SMARCA4: variants seen among roughly 807,000 people sequenced by gnomAD.
SMARCA4 encodes SWI/SNF related BAF chromatin remodeling complex subunit ATPase 4, also known as SWI/SNF-related matrix-associated actin-dependent regulator of chromatin subfamily A member 4.
SMARCA4 carries 31 observed loss-of-function variants against 193.9 expected under a neutral mutation model. The observed-to-expected ratio is 0.16, with a 90% CI of 0.12 to 0.22. SMARCA4 has a LOEUF of 0.22. Among genes scored for constraint, SMARCA4 ranks in the 10% least tolerant of loss-of-function variants. The probability of loss-of-function intolerance (pLI) is 1.00; values close to 1 mark genes in which losing one functional copy is unlikely to be tolerated. For synonymous variants in SMARCA4, 942 were observed against 933.1 expected (o/e 1.01, Z -0.17); for missense variants, 1,148 against 2,296.0 (o/e 0.50, Z 10.22).
At chr19:11,017,748 G>C (rs945839834) in intron 16 of SMARCA4, among the ~76,000 whole-genome samples, 1 of 152,266 alleles carries the variant, frequency 6.6e-6, no homozygotes, top group African/African-American at 2.4e-5. Context: ...CGGAAGCACA[G>C]GGTCAGGCCC....
intron 30 of SMARCA4, among the ~76,000 whole-genome samples, chr19:11,051,885 C>T (rs2076283857): frequency 6.6e-6 from 1 of 152,056 alleles, no homozygotes; most frequent in Non-Finnish European, 1.5e-5. Flanking sequence ...ATCACGAGGT[C>T]AGGAGTTCAA....
chr19:10,992,304 A>T (rs1031820229), intron 8 of SMARCA4, among the ~76,000 whole-genome samples: 28 of 149,300 alleles, frequency 1.9e-4, no homozygotes, highest in African/African-American at 6.9e-4. Context: ...TTTAGTAGAG[A>T]TGGGGTTTCA....
At chr19:10,996,108 G>A (rs2087015573) in intron 9 of SMARCA4, 105 bp from the exon 10 acceptor site, 1 of 1,131,602 alleles carries the variant, frequency 8.8e-7, no homozygotes, top group Middle Eastern at 2.0e-4. Context: ...CGGCACCCGC[G>A]TGAGCTACGC....
At chr19:11,052,909 G>A (rs560757108) in intron 30 of SMARCA4, among the ~76,000 whole-genome samples, 4 of 152,144 alleles carry the variant, frequency 2.6e-5, no homozygotes, top group South Asian at 4.1e-4. Flanking sequence ...CTCTCATTTC[G>A]TCGTGTAAAA....
At chr19:11,012,729 C>G in intron 15 of SMARCA4, 1 of 605,790 alleles carries the variant, frequency 1.7e-6, no homozygotes, top group Non-Finnish European at 3.0e-6. Flanking sequence ...ATCGTTCGCA[C>G]AGTCATCCTG....
intron 23 of SMARCA4, 154 bp from the exon 24 acceptor site, chr19:11,027,630 G>A: frequency 1.2e-6 from 1 of 804,330 alleles, no homozygotes; most frequent in Non-Finnish European, 2.1e-6. Context: ...CTTTGCTGAA[G>A]CTTTGGGTGG....
chr19:10,992,458 C>T (rs913385169), intron 8 of SMARCA4, among the ~76,000 whole-genome samples: 2 of 138,398 alleles, frequency 1.4e-5, no homozygotes, highest in Non-Finnish European at 3.1e-5. Context: ...GAGTTTCACT[C>T]TTGTCACCCG....
intron 19 of SMARCA4, among the ~76,000 whole-genome samples, chr19:11,023,099 TC>T (rs1429271114): frequency 6.6e-6 from 1 of 152,210 alleles, no homozygotes; most frequent in African/African-American, 2.4e-5. Flanking sequence ...GGCAGAGCCC[TC>T]CCTGAGAATC....
chr19:11,060,436 C>T (rs951473017), intron 34 of SMARCA4: 2 of 589,896 alleles, frequency 3.4e-6, no homozygotes, highest in South Asian at 1.9e-5. Flanking sequence ...CTGGGGGACA[C>T]GTGAGTCCTC....
chr19:10,966,189 G>A (rs1229255086), intron 1 of SMARCA4, among the ~76,000 whole-genome samples: 1 of 151,846 alleles, frequency 6.6e-6, no homozygotes, highest in Non-Finnish European at 1.5e-5. Flanking sequence ...TCACCATGTT[G>A]ACCAGGCTGG....
At chr19:10,974,439 G>T (rs1599852527) in intron 1 of SMARCA4, among the ~76,000 whole-genome samples, 1 of 146,512 alleles carries the variant, frequency 6.8e-6, no homozygotes, top group African/African-American at 2.5e-5. Flanking sequence ...TATTTCATGG[G>T]TATTCTGATT....
At chr19:11,051,538 T>C (rs1449944320) in intron 30 of SMARCA4, among the ~76,000 whole-genome samples, 3 of 149,878 alleles carry the variant, frequency 2.0e-5, no homozygotes, top group African/African-American at 7.4e-5. Context: ...GTCGCCAGGC[T>C]GGAGTGCAGT....
At position 11,019,672 on chromosome 19, in the gene SMARCA4, A is replaced by G. The variant is rs1364084948; in HGVS notation, c.2587A>G (p.Ile863Val). The change falls in exon 18 of 35, where the codon ATC (isoleucine) becomes GTC (valine). Residue 863 changes from isoleucine (I) to valine (V), a missense_variant. Coordinates refer to ENST00000344626, the MANE Select transcript of SMARCA4 (RefSeq NM_003072.5). This position sits in a 1 kb window ranked among gnomAD's most constrained non-coding sequence, Gnocchi z 6.1. ...CGTCTTGCTGACGACGTACGAGTAC[A>G]TCATCAAAGACAAGCACATCCTCGC... Reference protein sequence around the residue: ...FNVLLTTYEYIIKDKHILAKI... With the variant: ...FNVLLTTYEYVIKDKHILAKI... The G allele has an allele frequency of 6.2e-7, 1 of 1,613,362 alleles. No individual in the cohort carries two copies. Among genetic ancestry groups the G allele is most frequent in the African/African-American group, 1.3e-5 (1 of 74,944 alleles).
At position 11,019,067 on chromosome 19, in the gene SMARCA4, C is replaced by G. The variant is rs369243488; in HGVS notation, c.2505+44C>G. ...GGTTTCCTCTCTTGCTACGGAGGTG[C>G]AGGCGGTGGTGGGCAGGACGTCCAC... On this transcript the variant is annotated intron_variant, in intron 17 of 34. Transcript: ENST00000344626. The surrounding 1 kb of genome is among the most constrained non-coding windows in gnomAD (Gnocchi z 6.1). 1.3e-6 allele frequency: 2 copies of G among 1,483,160 alleles called. No homozygotes were observed. The highest frequency in any genetic ancestry group is 1.9e-6 in the Non-Finnish European group (2 of 1,060,518). The allele number at this position is 1,483,160 out of a possible 1,614,324, so 91.9% of individuals were successfully genotyped here.
rs2146422490 is a variant in SMARCA4, at chr19:11,021,928, G to A, written c.2820G>A (p.Glu940=). The A allele has an allele frequency of 1.2e-6, 2 of 1,613,364 alleles. No individual in the cohort carries two copies. The highest frequency in any genetic ancestry group is 1.7e-6 in the Non-Finnish European group (2 of 1,180,044). Residue 940 remains glutamate, a synonymous_variant, in exon 19 of 35, where the codon GAG becomes GAA. Coordinates refer to ENST00000344626, the MANE Select transcript of SMARCA4 (RefSeq NM_003072.5). ...PTIFKSCSTF[E]QWFNAPFAMT... ...TCTTCAAGAGCTGCAGCACCTTCGA[G>A]CAGTGGTTTAACGCACCCTTTGCCA...
intron 1 of SMARCA4, chr19:10,977,512 C>G (rs1321301668): frequency 6.6e-6 from 1 of 151,996 alleles, no homozygotes; most frequent in Non-Finnish European, 1.5e-5. Context: ...TAAGTAGATA[C>G]GGGGTTTCAC....
intron 30 of SMARCA4, among the ~76,000 whole-genome samples, chr19:11,042,134 C>G (rs1351780552): frequency 6.6e-6 from 1 of 152,264 alleles, no homozygotes; most frequent in Non-Finnish European, 1.5e-5. Flanking sequence ...TGCTCCAAGC[C>G]TGGAGATCGC....
In SMARCA4 at chr19:11,028,820, C is replaced by G. The variant is rs187758011; in HGVS notation, c.3382+870C>G. 1.4e-4 allele frequency among the ~76,000 whole-genome samples: 21 copies of G among 152,274 alleles called. No individual in the cohort carries two copies. In the East Asian group the frequency reaches 4.1e-3, roughly 29 times the overall value. On this transcript the variant is annotated intron_variant, in intron 24 of 34. Transcript: ENST00000344626. The stretch of plus-strand genomic sequence containing the variant: ...GTGGGAGTTACTAGAACTGGGCTTA[C>G]GAGAAACACGAGCATGAGCTGCTGA...
rs2075577130 is a variant in SMARCA4, at chr19:11,041,072, T to C, written c.4171-235T>C. Reference sequence around the variant, plus strand: ...TGGTCAAGAAATTCAACCATTAGTTTTTTAAAGACAAGCTTGGGTGGGGTG... The same window carrying C: ...TGGTCAAGAAATTCAACCATTAGTTCTTTAAAGACAAGCTTGGGTGGGGTG... On this transcript the variant is annotated intron_variant, in intron 29 of 34. Transcript: ENST00000344626. This position sits in a 1 kb window ranked among gnomAD's most constrained non-coding sequence, Gnocchi z 5.6. 1.9e-6 allele frequency: 1 copy of C among 535,874 alleles called. No individual in the cohort carries two copies. The highest frequency in any genetic ancestry group is 3.3e-6 in the Non-Finnish European group (1 of 304,022). 33.2% of individuals were successfully genotyped at this position (535,874 alleles called of 1,614,324 possible).
Sources: gnomAD v4.1 joint callset for allele counts (sites outside exome capture counted in the v4.1 genomes callset) on GRCh38, gnomAD v4.1.1 for gene constraint, Gnocchi (gnomAD v3.1) non-coding constraint, MANE v1.5 for transcripts, NCBI Gene and HGNC (gene_info 2026-07-23, HGNC 2026-07-21) for gene names.